The following MUSK variants were observed in gnomAD, a reference collection of about 807,000 sequenced individuals.
The protein encoded by MUSK is muscle, skeletal receptor tyrosine-protein kinase.
Under a neutral mutation model 88.7 loss-of-function variants are expected in MUSK, and 55 were observed. That is an observed-to-expected ratio of 0.62 (90% CI 0.50 to 0.78). The LOEUF (loss-of-function observed/expected upper bound fraction) is 0.78, where lower values mean the gene tolerates loss of function less well. MUSK is among the 30% of genes least tolerant of loss of function. MUSK has a pLI of 0.00. For synonymous variants in MUSK, 387 were observed against 391.9 expected (o/e 0.99, Z 0.15); for missense variants, 1,015 against 1,074.3 (o/e 0.94, Z 0.77).
intron 5 of MUSK, among the ~76,000 whole-genome samples, chr9:110,716,729 T>C (rs2076748738): frequency 1.3e-5 from 2 of 150,102 alleles, no homozygotes; most frequent in Non-Finnish European, 1.5e-5. Flanking sequence ...AATTTTAGTT[T>C]TGCCTTAGCA....
intron 11 of MUSK, among the ~76,000 whole-genome samples, chr9:110,781,413 A>G (rs10980567): frequency 0.32 from 48,707 of 151,932 alleles, 8,272 homozygotes; most frequent in African/African-American, 0.41. Flanking sequence ...AGTAGCTGGG[A>G]CTACAGGCGC....
intron 14 of MUSK, among the ~76,000 whole-genome samples, chr9:110,789,324 G>C (rs892031618): frequency 1.3e-5 from 2 of 152,218 alleles, no homozygotes; most frequent in Admixed American, 1.3e-4. Flanking sequence ...CAAATAATTT[G>C]CTGACAGACC....
At chr9:110,720,233 T>G (rs924008628) in intron 5 of MUSK, among the ~76,000 whole-genome samples, 2 of 150,516 alleles carry the variant, frequency 1.3e-5, no homozygotes, top group African/African-American at 2.4e-5. Flanking sequence ...AGAAAAGAAA[T>G]ATAAAAGATG....
intron 1 of MUSK, among the ~76,000 whole-genome samples, chr9:110,677,819 T>G (rs571762910): frequency 6.6e-6 from 1 of 152,332 alleles, no homozygotes; most frequent in Non-Finnish European, 1.5e-5. Flanking sequence ...GGTTTTCAAG[T>G]AGGGAATGGA....
intron 9 of MUSK, chr9:110,775,344 G>A (rs2077650551): frequency 9.5e-6 from 2 of 210,316 alleles, no homozygotes; most frequent in South Asian, 7.8e-5. Flanking sequence ...TGTGTTCCTC[G>A]AGCCCTACCC....
At chr9:110,739,540 A>C (rs1211198667) in intron 6 of MUSK, among the ~76,000 whole-genome samples, 1 of 152,168 alleles carries the variant, frequency 6.6e-6, no homozygotes, top group East Asian at 1.9e-4. Context: ...TATTATCATA[A>C]ACCATCCAGC....
At chr9:110,785,213 C>T (rs1196731182) in intron 12 of MUSK, among the ~76,000 whole-genome samples, 197 bp downstream of exon 12, 1 of 152,074 alleles carries the variant, frequency 6.6e-6, no homozygotes, top group Non-Finnish European at 1.5e-5. Context: ...AATCAAATGC[C>T]CTAGGGTTAC....
At chr9:110,723,398 T>G (rs1587956073) in intron 5 of MUSK, among the ~76,000 whole-genome samples, 1 of 151,990 alleles carries the variant, frequency 6.6e-6, no homozygotes, top group African/African-American at 2.4e-5. Context: ...TATGTTTTCA[T>G]GCATAAGTGG....
chr9:110,742,867 A>G (rs1286285682), intron 6 of MUSK, among the ~76,000 whole-genome samples: 2 of 152,224 alleles, frequency 1.3e-5, no homozygotes, highest in East Asian at 1.9e-4. Flanking sequence ...GTTCTTGGTA[A>G]TTCTACCCAA....
chr9:110,704,572 AATTC>A (rs1425230765), intron 5 of MUSK, among the ~76,000 whole-genome samples: 18 of 151,118 alleles, frequency 1.2e-4, no homozygotes, highest in Non-Finnish European at 2.4e-4. Flanking sequence ...TTAGAATATT[AATTC>A]ATTATCAATA....
chr9:110,754,808 T>C (rs909846976), intron 7 of MUSK, among the ~76,000 whole-genome samples: 2 of 152,262 alleles, frequency 1.3e-5, no homozygotes, highest in African/African-American at 4.8e-5. Flanking sequence ...TTTGGGGGCA[T>C]GAAGGCACTT....
intron 13 of MUSK, among the ~76,000 whole-genome samples, chr9:110,786,118 C>T (rs923492130): frequency 5.3e-5 from 8 of 151,162 alleles, no homozygotes; most frequent in African/African-American, 1.9e-4. Flanking sequence ...CAAGACCAGC[C>T]TGGCCAACAT....
chr9:110,701,222 G>A (rs765474203), intron 5 of MUSK, among the ~76,000 whole-genome samples: 5 of 152,148 alleles, frequency 3.3e-5, no homozygotes, highest in Non-Finnish European at 7.4e-5. Context: ...GAGCAGGACC[G>A]TGAATATGGA....
chr9:110,748,604 T>G (rs1241138874), intron 7 of MUSK, among the ~76,000 whole-genome samples: 1 of 152,154 alleles, frequency 6.6e-6, no homozygotes, highest in Non-Finnish European at 1.5e-5. Flanking sequence ...ATTAGATTCA[T>G]AGCGTGCCTA....
At chr9:110,685,184 T>TA (rs1171515532) in intron 2 of MUSK, among the ~76,000 whole-genome samples, 5 of 152,140 alleles carry the variant, frequency 3.3e-5, no homozygotes, top group African/African-American at 7.2e-5. Context: ...GCTGAATTTT[T>TA]ATCAAATGCT....
chr9:110,680,792 T>C (rs2076098300), intron 1 of MUSK, among the ~76,000 whole-genome samples: 2 of 149,446 alleles, frequency 1.3e-5, no homozygotes, highest in African/African-American at 2.5e-5. Context: ...TATCTCTTTA[T>C]ATATTGCTTC....
At chr9:110,694,767 A>T (rs10453220) in intron 3 of MUSK, among the ~76,000 whole-genome samples, 20,784 of 152,132 alleles carry the variant, frequency 0.14, 1,789 homozygotes, top group East Asian at 0.2. Context: ...TTCATATTTG[A>T]GAATAAAAAT....
chr9:110,685,455 C>T (rs1264320749), intron 2 of MUSK, among the ~76,000 whole-genome samples: 1 of 152,052 alleles, frequency 6.6e-6, no homozygotes. Context: ...ATCTTTTCCT[C>T]TTGAATTTTA....
intron 12 of MUSK, 113 bp downstream of exon 12, chr9:110,785,129 C>A: frequency 2.2e-6 from 2 of 921,492 alleles, no homozygotes; most frequent in East Asian, 2.4e-5. Flanking sequence ...TAAATATATC[C>A]GTAGCCCTGC....
Sources: gnomAD v4.1 joint callset for allele counts (sites outside exome capture counted in the v4.1 genomes callset) on GRCh38, gnomAD v4.1.1 for gene constraint, MANE v1.5 for transcripts, NCBI Gene and HGNC (gene_info 2026-07-23, HGNC 2026-07-21) for gene names.